SGCZ: variants seen among roughly 807,000 people sequenced by gnomAD.
SGCZ encodes sarcoglycan zeta, also known as zeta-sarcoglycan.
Under a neutral mutation model 41.3 loss-of-function variants are expected in SGCZ, and 40 were observed. The observed-to-expected ratio is 0.97, with a 90% CI of 0.75 to 1.26. The LOEUF (loss-of-function observed/expected upper bound fraction) is 1.26, where lower values mean the gene tolerates loss of function less well. SGCZ is among the 50% of genes most tolerant of loss of function. The probability of loss-of-function intolerance (pLI) is 0.00; values close to 1 mark genes in which losing one functional copy is unlikely to be tolerated. For synonymous variants in SGCZ, 206 were observed against 137.5 expected (o/e 1.50, Z -3.49); for missense variants, 552 against 369.8 (o/e 1.49, Z -4.04).
intron 1 of SGCZ, among the ~76,000 whole-genome samples, chr8:15,199,301 GC>G (rs947360925): frequency 2.6e-5 from 4 of 152,068 alleles, no homozygotes; most frequent in Admixed American, 2.6e-4. Context: ...GCAGAAAGCA[GC>G]AAAAATCTGA....
intron 2 of SGCZ, among the ~76,000 whole-genome samples, chr8:14,368,255 A>C (rs1803784544): frequency 6.6e-6 from 1 of 152,052 alleles, no homozygotes; most frequent in Non-Finnish European, 1.5e-5. Flanking sequence ...GCATGTTATA[A>C]TTCATATGTT....
At chr8:15,097,850 ATATATACGTGTGTGTG>A (rs1217952938) in intron 1 of SGCZ, among the ~76,000 whole-genome samples, 240 of 9,766 alleles carry the variant, frequency 0.025, 10 homozygotes, top group Middle Eastern at 0.2. Flanking sequence ...GTGTATATAT[ATATATACGTGTGTGTG>A]TATATATATA....
At chr8:14,278,308 AC>A (rs1358028023) in intron 3 of SGCZ, among the ~76,000 whole-genome samples, 1 of 152,126 alleles carries the variant, frequency 6.6e-6, no homozygotes, top group Non-Finnish European at 1.5e-5. Flanking sequence ...AAATTTGTGT[AC>A]CTTTTTCTCC....
chr8:14,290,858 G>T (rs542983322), intron 3 of SGCZ, among the ~76,000 whole-genome samples: 1 of 152,076 alleles, frequency 6.6e-6, no homozygotes, highest in Non-Finnish European at 1.5e-5. Context: ...CAAAGGAAAA[G>T]AAATCAGTAT....
At chr8:14,650,149 G>C (rs1807351016) in intron 1 of SGCZ, among the ~76,000 whole-genome samples, 1 of 151,984 alleles carries the variant, frequency 6.6e-6, no homozygotes, top group Non-Finnish European at 1.5e-5. Flanking sequence ...GTTTTTGTTT[G>C]TTTTGTTCTG....
intron 2 of SGCZ, among the ~76,000 whole-genome samples, chr8:14,356,610 A>G (rs1803301745): frequency 6.6e-6 from 1 of 152,072 alleles, no homozygotes; most frequent in African/African-American, 2.4e-5. Flanking sequence ...AGCCCAATAT[A>G]ATAGAAATAA....
Position 14,394,566 on chromosome 8 carries a change from C to A in SGCZ, c.235-70362G>T, listed in dbSNP as rs561485212. Among the ~76,000 whole-genome samples the A allele has an allele frequency of 3.3e-5, 5 of 152,240 alleles. No individual in the cohort carries two copies. In the South Asian group the frequency reaches 8.3e-4, roughly 25 times the overall value. The stretch of plus-strand genomic sequence containing the variant: ...ATTCCTGAGATCATGGTTGGTTTTA[C>A]GAGCCTTTTCTAGCATTCTCATTCA... On this transcript the variant is annotated intron_variant, in intron 2 of 7. Transcript: ENST00000382080.
rs375138695 is a variant in SGCZ at position 15,082,769 on chromosome 8, A to C, written c.39+154816T>G. 2.6e-5 allele frequency among the ~76,000 whole-genome samples: 4 copies of C among 152,290 alleles called. No homozygotes were observed. The South Asian group carries it at 8.3e-4, about 32-fold the overall frequency. On this transcript the variant is annotated intron_variant, in intron 1 of 7. Transcript: ENST00000382080. ...CTTATTAAGTCAATATGACCTAAAG[A>C]ACCATTAATGGAGCTATAATTGAAT... is the stretch of plus-strand genomic sequence containing the variant.
intron 2 of SGCZ, among the ~76,000 whole-genome samples, chr8:14,377,384 C>A (rs1804170903): frequency 6.6e-6 from 1 of 152,020 alleles, no homozygotes; most frequent in Non-Finnish European, 1.5e-5. Context: ...TGTTCCTGAG[C>A]CACATAATTT....
intron 4 of SGCZ, among the ~76,000 whole-genome samples, chr8:14,186,793 A>G (rs1804916717): frequency 6.6e-6 from 1 of 152,214 alleles, no homozygotes; most frequent in South Asian, 2.1e-4. Flanking sequence ...AAAGTAATTA[A>G]AAGGAGACCA....
chr8:14,587,240 A>G (rs1805088872), intron 1 of SGCZ, among the ~76,000 whole-genome samples: 1 of 152,046 alleles, frequency 6.6e-6, no homozygotes, highest in African/African-American at 2.4e-5. Flanking sequence ...AACTTCTACT[A>G]TATCTTAGTA....
chr8:15,118,094 G>C (rs78945676), intron 1 of SGCZ, among the ~76,000 whole-genome samples: 3 of 152,150 alleles, frequency 2.0e-5, no homozygotes, highest in African/African-American at 7.2e-5. Context: ...TTGATATTTA[G>C]TTGCGGTAAA....
At chr8:14,878,829 A>G (rs935292192) in intron 1 of SGCZ, among the ~76,000 whole-genome samples, 1 of 152,216 alleles carries the variant, frequency 6.6e-6, no homozygotes, top group Admixed American at 6.5e-5. Context: ...CTTCAGTAAA[A>G]GAGAGCATAG....
At chr8:14,483,995 T>A (rs1348495402) in intron 2 of SGCZ, among the ~76,000 whole-genome samples, 1 of 152,170 alleles carries the variant, frequency 6.6e-6, no homozygotes, top group African/African-American at 2.4e-5. Flanking sequence ...AAAATCCAAC[T>A]TTTTGCAGTT....
At chr8:14,924,430 G>C (rs1282160761) in intron 1 of SGCZ, among the ~76,000 whole-genome samples, 2 of 151,892 alleles carry the variant, frequency 1.3e-5, no homozygotes, top group Non-Finnish European at 2.9e-5. Context: ...CAACTATAAG[G>C]ATATTACAGA....
At chr8:14,652,760 T>C (rs903106362) in intron 1 of SGCZ, among the ~76,000 whole-genome samples, 1 of 152,140 alleles carries the variant, frequency 6.6e-6, no homozygotes, top group Non-Finnish European at 1.5e-5. Context: ...TATCAACAAA[T>C]TCACAGTGAC....
intron 5 of SGCZ, among the ~76,000 whole-genome samples, chr8:14,132,380 C>A (rs1377679582): frequency 6.6e-6 from 1 of 152,154 alleles, no homozygotes; most frequent in African/African-American, 2.4e-5. Flanking sequence ...TTCAAAGGCA[C>A]AGAAGCATTT....
intron 1 of SGCZ, among the ~76,000 whole-genome samples, chr8:14,926,581 T>C (rs1010543358): frequency 1.1e-4 from 16 of 152,224 alleles, no homozygotes; most frequent in Admixed American, 5.9e-4. Flanking sequence ...TGGGGAAATA[T>C]ATTTCTTGGG....
intron 1 of SGCZ, among the ~76,000 whole-genome samples, chr8:14,820,006 T>A (rs953327368): frequency 9.9e-5 from 15 of 151,938 alleles, no homozygotes; most frequent in Non-Finnish European, 2.2e-4. Context: ...CAGGAATAAC[T>A]CCTTATCTGT....
Sources: gnomAD v4.1 joint callset for allele counts (sites outside exome capture counted in the v4.1 genomes callset) on GRCh38, gnomAD v4.1.1 for gene constraint, MANE v1.5 for transcripts, NCBI Gene and HGNC (gene_info 2026-07-23, HGNC 2026-07-21) for gene names.